Variants in CPLANE1 observed in about 807,000 individuals in gnomAD.
The protein encoded by CPLANE1 is ciliogenesis and planar polarity effector complex subunit 1, also known as ciliogenesis and planar polarity effector 1.
In CPLANE1, 263 loss-of-function variants were observed where a neutral mutation model predicts 362.5. That is an observed-to-expected ratio of 0.73 (90% confidence interval 0.66 to 0.80). The LOEUF is 0.80. Among genes scored for constraint, CPLANE1 ranks in the 30% least tolerant of loss-of-function variants. CPLANE1 has a pLI of 0.00. For synonymous variants in CPLANE1, 1,212 were observed against 1,302.6 expected (o/e 0.93, Z 1.50); for missense variants, 3,461 against 3,793.4 (o/e 0.91, Z 2.30).
intron 9 of CPLANE1, among the ~76,000 whole-genome samples, chr5:37,228,423 G>A (rs946857985): frequency 3.9e-5 from 6 of 152,092 alleles, no homozygotes; most frequent in African/African-American, 1.4e-4. Flanking sequence ...TTTCTGGTTA[G>A]GCAACTATTC....
At chr5:37,185,643 T>A (rs1783780357) in intron 24 of CPLANE1, among the ~76,000 whole-genome samples, 2 of 152,106 alleles carry the variant, frequency 1.3e-5, no homozygotes, top group Admixed American at 6.5e-5. Context: ...TACAATATAT[T>A]AATAGAATAA....
chr5:37,209,952 G>C lies in CPLANE1; in HGVS notation c.2921-3527C>G. ...TCAGCGTATCAAGTTTGAGTCTTTA[G>C]AAATAAAGCTAAATGAATATAAGAG... On this transcript the variant is annotated intron_variant, in intron 16 of 52. Transcript: ENST00000651892. This position sits in a 1 kb window ranked among gnomAD's most constrained non-coding sequence, Gnocchi z 4.6. The C allele has an allele frequency of 8.8e-7, 1 of 1,133,268 alleles. No homozygotes were observed. The highest frequency in any genetic ancestry group is 2.3e-5 in the East Asian group (1 of 42,714). 70.2% of individuals were successfully genotyped at this position (1,133,268 alleles called of 1,614,324 possible).
chr5:37,102,976 A>G (rs1757368125), downstream of CPLANE1, among the ~76,000 whole-genome samples: 1 of 152,058 alleles, frequency 6.6e-6, no homozygotes, highest in African/African-American at 2.4e-5. Flanking sequence ...ATGATCTAAT[A>G]TTGTCAGTGG....
At chr5:37,077,674 C>G in the CPLANE1 span, among the ~76,000 whole-genome samples, 1 of 132,460 alleles carries the variant, frequency 7.5e-6, no homozygotes, top group African/African-American at 2.9e-5. Flanking sequence ...GGTGAAGTGG[C>G]ATGATCATGG....
At chr5:37,159,279 T>C (rs1312011677) in intron 38 of CPLANE1, among the ~76,000 whole-genome samples, 1 of 145,710 alleles carries the variant, frequency 6.9e-6, no homozygotes, top group Non-Finnish European at 1.5e-5. Context: ...GCCCGGCTAA[T>C]TTTTTGTATT....
At chr5:37,195,257 C>T (rs548988560) in intron 21 of CPLANE1, among the ~76,000 whole-genome samples, 17 of 151,898 alleles carry the variant, frequency 1.1e-4, no homozygotes, top group Middle Eastern at 3.4e-3. Context: ...TAAAGTTTTA[C>T]TTCTTTTTAA....
At chr5:37,123,288 A>G (rs1210500372) in intron 47 of CPLANE1, among the ~76,000 whole-genome samples, 2 of 152,202 alleles carry the variant, frequency 1.3e-5, no homozygotes, top group African/African-American at 2.4e-5. Context: ...GGTTCTTTTC[A>G]CACACAATTA....
chr5:37,217,169 A>C (rs1447877734), intron 15 of CPLANE1, among the ~76,000 whole-genome samples: 2 of 152,236 alleles, frequency 1.3e-5, no homozygotes, highest in African/African-American at 4.8e-5. Flanking sequence ...GAATTATACA[A>C]AGGTAAGATT....
intron 32 of CPLANE1, among the ~76,000 whole-genome samples, chr5:37,172,839 AGCCAG>A (rs1248623306): frequency 6.6e-6 from 1 of 152,200 alleles, no homozygotes; most frequent in Non-Finnish European, 1.5e-5. Context: ...TATAAAAATT[AGCCAG>A]GCAAGGTGGT....
At chr5:37,227,885 T>C in intron 9 of CPLANE1, 68 bp from the exon 10 acceptor site, 1 of 1,404,946 alleles carries the variant, frequency 7.1e-7, no homozygotes, top group Non-Finnish European at 9.4e-7. Flanking sequence ...ATAATGTTTT[T>C]CAAAAAAGAA....
chr5:37,127,520 T>A (rs916694262), intron 46 of CPLANE1, among the ~76,000 whole-genome samples: 1 of 149,926 alleles, frequency 6.7e-6, no homozygotes, highest in African/African-American at 2.4e-5. Context: ...ATTTAATTTT[T>A]TTTTTTTTTT....
At chr5:37,248,461 A>G (rs774209451) in intron 1 of CPLANE1, among the ~76,000 whole-genome samples, 6 of 151,950 alleles carry the variant, frequency 3.9e-5, no homozygotes, top group Non-Finnish European at 7.4e-5. Flanking sequence ...TTGTTTTTTT[A>G]ATAAAATAGC....
intron 15 of CPLANE1, among the ~76,000 whole-genome samples, chr5:37,218,429 T>G (rs558612612): frequency 4.1e-4 from 62 of 152,296 alleles, no homozygotes; most frequent in South Asian, 1.0e-3. Flanking sequence ...TGGGAGAGGA[T>G]TCATAGAAGC....
At chr5:37,087,132 T>C in the CPLANE1 span, among the ~76,000 whole-genome samples, 4 of 152,282 alleles carry the variant, frequency 2.6e-5, no homozygotes, top group South Asian at 8.3e-4. Flanking sequence ...ATGCAAACTG[T>C]AGTAAACCAT....
chr5:37,177,454 A>G (rs1273434087), intron 30 of CPLANE1, among the ~76,000 whole-genome samples, 167 bp downstream of exon 30: 1 of 152,242 alleles, frequency 6.6e-6, no homozygotes, highest in Non-Finnish European at 1.5e-5. Context: ...ACATAGAAGT[A>G]TAACATTTAC....
At chr5:37,104,407 T>C (rs2149825730), downstream of CPLANE1, among the ~76,000 whole-genome samples, 1 of 151,448 alleles carries the variant, frequency 6.6e-6, no homozygotes, top group South Asian at 2.1e-4. Context: ...GAGACCAGCC[T>C]GGCCAACAAG....
Position 37,169,072 on chromosome 5 carries a change from C to T in CPLANE1, c.6952G>A (p.Asp2318Asn). 2 of 1,614,186 alleles carry T rather than the reference C, an allele frequency of 1.2e-6. No individual in the cohort carries two copies. Among genetic ancestry groups the T allele is most frequent in the South Asian group, 1.1e-5 (1 of 91,082 alleles). The change falls in exon 34 of 53, where the codon GAT (aspartate) becomes AAT (asparagine). Residue 2318 changes from aspartate to asparagine, a missense_variant. This residue lies in a region of CPLANE1 where 3,380 missense variants were observed against 3,666.1 expected (regional missense o/e 0.92). Transcript: ENST00000651892. ...ITEIPNHVNL[D>N]QYVGQENLTP... ...AAATTTTCTTGTCCAACATATTGAT[C>T]CAAGTTCACATGATTAGGAATTTCT...
chr5:37,198,734 G>A lies in CPLANE1; in HGVS notation c.3640C>T (p.Gln1214Ter), dbSNP rs1258500319. ...ATGACTTTTCTTGCCCACCTCAACTGCAATATATACCACTGTGCTACAGGA... is the reference window on the plus strand; with the variant it reads ...ATGACTTTTCTTGCCCACCTCAACTACAATATATACCACTGTGCTACAGGA... ...SFPVAQWYIL[Q>*]LRWARKVMQK... Residue 1214 changes from glutamine (Q) to a stop codon, truncating the protein, a stop_gained, in exon 20 of 53, where the codon CAG becomes TAG. Coordinates refer to ENST00000651892, the MANE Select transcript of CPLANE1 (RefSeq NM_001384732.1). LOFTEE classifies it high-confidence loss of function. The A allele has an allele frequency of 1.2e-6, 2 of 1,613,798 alleles. No individual in the cohort carries two copies. The highest frequency in any genetic ancestry group is 8.5e-7 in the Non-Finnish European group (1 of 1,179,950).
At chr5:37,210,469 T>A (rs772979719) in intron 16 of CPLANE1, 33 of 1,113,074 alleles carry the variant, frequency 3.0e-5, no homozygotes, top group Non-Finnish European at 4.5e-5. Context: ...AATCGACTGA[T>A]TGAAGATGAA....
Sources: allele counts gnomAD v4.1 joint callset (sites outside exome capture counted in the v4.1 genomes callset), GRCh38; gene constraint gnomAD v4.1.1; regional missense constraint gnomAD v4.1.1; non-coding constraint Gnocchi (gnomAD v3.1); transcripts MANE v1.5; gene names NCBI Gene and HGNC (gene_info 2026-07-23, HGNC 2026-07-21).